Variants in CELF4 observed in about 807,000 individuals in gnomAD.
The protein encoded by CELF4 is CUGBP Elav-like family member 4.
In CELF4, 18 loss-of-function variants were observed where a neutral mutation model predicts 59.9. The ratio of observed to expected loss-of-function variants is 0.30; its 90% CI spans 0.21 to 0.45. CELF4 has a LOEUF of 0.45. CELF4 is among the 20% of genes least tolerant of loss of function. The pLI is 1.00. For synonymous variants in CELF4, 261 were observed against 267.1 expected (o/e 0.98, Z 0.22); for missense variants, 456 against 689.0 (o/e 0.66, Z 3.79).
chr18:37,249,436 C>T (rs2064068971), intron 12 of CELF4, among the ~76,000 whole-genome samples: 1 of 152,184 alleles, frequency 6.6e-6, no homozygotes. Context: ...AGTGCAACCG[C>T]TTGTCAGGGC....
chr18:37,413,002 C>T (rs575144157), intron 2 of CELF4, among the ~76,000 whole-genome samples: 43 of 152,012 alleles, frequency 2.8e-4, no homozygotes, highest in Non-Finnish European at 5.1e-4. Context: ...CAGAGGGGCT[C>T]CCCTCCCCGC....
At chr18:37,429,453 G>C (rs2099634593) in intron 2 of CELF4, among the ~76,000 whole-genome samples, 2 of 152,170 alleles carry the variant, frequency 1.3e-5, no homozygotes, top group Non-Finnish European at 2.9e-5. Context: ...ATGTCTGTGA[G>C]TGTGTATGTG....
At chr18:37,318,867 C>A (rs1229303382) in intron 3 of CELF4, among the ~76,000 whole-genome samples, 1 of 152,156 alleles carries the variant, frequency 6.6e-6, no homozygotes, top group Non-Finnish European at 1.5e-5. Flanking sequence ...GAGAAAATGG[C>A]CTGGACTCTG....
chr18:37,356,418 C>G (rs899251364), intron 2 of CELF4, among the ~76,000 whole-genome samples: 9 of 151,996 alleles, frequency 5.9e-5, no homozygotes, highest in Admixed American at 5.9e-4. Flanking sequence ...CAGAAAGAGA[C>G]AAGGACATGA....
chr18:37,311,373 A>G (rs2096640299), intron 3 of CELF4, among the ~76,000 whole-genome samples: 1 of 152,214 alleles, frequency 6.6e-6, no homozygotes, highest in Non-Finnish European at 1.5e-5. Flanking sequence ...AACCACGAAG[A>G]CCAATTCTTC....
intron 3 of CELF4, chr18:37,276,461 GT>G (rs2093296126): frequency 6.6e-6 from 1 of 152,238 alleles, no homozygotes; most frequent in South Asian, 2.1e-4. Flanking sequence ...CCTCTGTTTT[GT>G]GGGGTGGGGG....
intron 1 of CELF4, among the ~76,000 whole-genome samples, chr18:37,500,811 G>A (rs926050819): frequency 6.6e-6 from 1 of 152,152 alleles, no homozygotes; most frequent in Non-Finnish European, 1.5e-5. Flanking sequence ...TGGGATTACA[G>A]GTGTGAGCCA....
chr18:37,350,532 A>C (rs1603624153), intron 2 of CELF4, among the ~76,000 whole-genome samples: 1 of 152,018 alleles, frequency 6.6e-6, no homozygotes, highest in African/African-American at 2.4e-5. Context: ...CCCAATCAAT[A>C]CTGCACATTG....
At chr18:37,474,467 C>T (rs1156666317) in intron 2 of CELF4, among the ~76,000 whole-genome samples, 2 of 152,184 alleles carry the variant, frequency 1.3e-5, no homozygotes, top group Non-Finnish European at 2.9e-5. Flanking sequence ...GGGGACGGTT[C>T]CTGCCCTCAT....
At chr18:37,419,941 G>A (rs764072991) in intron 2 of CELF4, among the ~76,000 whole-genome samples, 1 of 152,224 alleles carries the variant, frequency 6.6e-6, no homozygotes, top group Non-Finnish European at 1.5e-5. Flanking sequence ...CCTCTGTGAA[G>A]GACTCACAAA....
At chr18:37,292,035 TAA>T (rs10565799) in intron 3 of CELF4, among the ~76,000 whole-genome samples, 14 of 148,516 alleles carry the variant, frequency 9.4e-5, no homozygotes, top group South Asian at 8.5e-4. Flanking sequence ...AGCACCCTTA[TAA>T]AAAAAAAAAA....
At chr18:37,427,078 T>C (rs1245349875) in intron 2 of CELF4, among the ~76,000 whole-genome samples, 1 of 149,248 alleles carries the variant, frequency 6.7e-6, no homozygotes. Context: ...AAGCCCACCA[T>C]GGCAGCAGCA....
At chr18:37,400,880 G>A (rs903364041) in intron 2 of CELF4, among the ~76,000 whole-genome samples, 8 of 152,266 alleles carry the variant, frequency 5.3e-5, no homozygotes, top group African/African-American at 1.7e-4. Flanking sequence ...TTATTGATTA[G>A]AGGCTCATGA....
chr18:37,341,080 A>T (rs899974012), intron 2 of CELF4, among the ~76,000 whole-genome samples: 2 of 152,078 alleles, frequency 1.3e-5, no homozygotes, highest in African/African-American at 2.4e-5. Flanking sequence ...AACCACTCAG[A>T]CTCCCCAGTG....
chr18:37,280,689 G>C (rs1298120273), intron 3 of CELF4, among the ~76,000 whole-genome samples: 1 of 152,212 alleles, frequency 6.6e-6, no homozygotes, highest in Non-Finnish European at 1.5e-5. Flanking sequence ...TGGAGAGGTG[G>C]AGGGACGCCT....
intron 2 of CELF4, among the ~76,000 whole-genome samples, chr18:37,369,826 G>A (rs1183880125): frequency 1.3e-5 from 2 of 152,210 alleles, no homozygotes; most frequent in Non-Finnish European, 2.9e-5. Context: ...CATACTCTCT[G>A]TGCCCAGCCA....
intron 2 of CELF4, among the ~76,000 whole-genome samples, chr18:37,434,250 AGACAAT>A (rs2099681577): frequency 6.6e-6 from 1 of 152,260 alleles, no homozygotes; most frequent in African/African-American, 2.4e-5. Context: ...TGAGGAGTAC[AGACAAT>A]GAGGGTTTGG....
chr18:37,432,480 A>G (rs577946414), intron 2 of CELF4, among the ~76,000 whole-genome samples: 3 of 152,258 alleles, frequency 2.0e-5, no homozygotes, highest in African/African-American at 7.2e-5. Flanking sequence ...CTTCAACTTT[A>G]TAAACAACAA....
Position 37,384,011 on chromosome 18 carries a change from C to T in CELF4, c.370-62130G>A, listed in dbSNP as rs180837335. On this transcript the variant is annotated intron_variant, in intron 2 of 12. Transcript: ENST00000420428. ...CCTTCCAGACACCCTGCTGCACTGACGGCTCCTCCACTGCTCCCCACGGTG... is the reference window on the plus strand; with the variant it reads ...CCTTCCAGACACCCTGCTGCACTGATGGCTCCTCCACTGCTCCCCACGGTG... Among the ~76,000 whole-genome samples the T allele has an allele frequency of 1.2e-4, 18 of 152,300 alleles. No individual in the cohort carries two copies. In the East Asian group the frequency reaches 2.5e-3, roughly 21 times the overall value.
Sources: gnomAD v4.1 joint callset for allele counts (sites outside exome capture counted in the v4.1 genomes callset) on GRCh38, gnomAD v4.1.1 for gene constraint, MANE v1.5 for transcripts, NCBI Gene and HGNC (gene_info 2026-07-23, HGNC 2026-07-21) for gene names.